BMP8B: variants seen among roughly 807,000 people sequenced by gnomAD.
The protein encoded by BMP8B is bone morphogenetic protein 8 (osteogenic protein 2).
Under a neutral mutation model 30.3 loss-of-function variants are expected in BMP8B, and 17 were observed. The observed-to-expected ratio is 0.56, with a 90% CI of 0.38 to 0.84. BMP8B has a LOEUF of 0.84. Ranked by LOEUF, BMP8B falls within the 40% of genes least tolerant of loss-of-function variation. The pLI is 0.00. For synonymous variants in BMP8B, 131 were observed against 214.7 expected (o/e 0.61, Z 3.41); for missense variants, 253 against 494.6 (o/e 0.51, Z 4.63).
At chr1:39,777,397 A>G (rs1166387717) in intron 1 of BMP8B, among the ~76,000 whole-genome samples, 1 of 152,208 alleles carries the variant, frequency 6.6e-6, no homozygotes, top group Non-Finnish European at 1.5e-5. Flanking sequence ...ATGAATCACC[A>G]ACCTGTGCTG....
rs553851060 is a variant in BMP8B, at chr1:39,770,420, A to G, written c.673+3888T>C. 18 of 1,608,012 alleles carry G rather than the reference A, an allele frequency of 1.1e-5. 1 individual carries two copies. The East Asian group carries it at 2.9e-4, about 26-fold the overall frequency. Reference sequence around the variant, plus strand: ...CTCTTTCAGGATCGTTAAGCGCTCAATTCGTTTCTCGTATTTCTGCCCCTT... The same window carrying G: ...CTCTTTCAGGATCGTTAAGCGCTCAGTTCGTTTCTCGTATTTCTGCCCCTT... On this transcript the variant is annotated intron_variant, in intron 3 of 6. Coordinates refer to ENST00000372827, the MANE Select transcript of BMP8B (RefSeq NM_001720.5).
chr1:39,760,173 T>A lies in BMP8B; in HGVS notation c.*246A>T. On this transcript the variant is annotated 3_prime_UTR_variant, in exon 7 of 7. Transcript: ENST00000372827. ...CATGCCTCCGGGAGAGGCGTTTGCATTTGGGTAGAACACTGCCTGATGATT... is the reference window on the plus strand; with the variant it reads ...CATGCCTCCGGGAGAGGCGTTTGCAATTGGGTAGAACACTGCCTGATGATT... The A allele has an allele frequency of 3.2e-6, 2 of 634,002 alleles. No individual in the cohort carries two copies. The highest frequency in any genetic ancestry group is 3.0e-5 in the East Asian group (1 of 32,910). The allele number at this position is 634,002 out of a possible 1,614,324, so 39.3% of individuals were successfully genotyped here.
chr1:39,768,847 C>T lies in BMP8B; in HGVS notation c.674-4030G>A, dbSNP rs878898727. On this transcript the variant is annotated intron_variant, in intron 3 of 6. Coordinates refer to ENST00000372827, the MANE Select transcript of BMP8B (RefSeq NM_001720.5). ...CTGTACTCTAGCCTAGGTAACAGAG[C>T]GAGATTCTGTCTAAAAAAGAAAAAA... Among the ~76,000 whole-genome samples the T allele has an allele frequency of 4.6e-4, 69 of 150,220 alleles. 2 individuals carry two copies. The highest frequency in any genetic ancestry group is 1.9e-3 in the Admixed American group (29 of 15,110).
chr1:39,778,182 A>C (rs530504589), intron 1 of BMP8B, among the ~76,000 whole-genome samples: 31 of 152,186 alleles, frequency 2.0e-4, no homozygotes, highest in East Asian at 1.2e-3. Context: ...CAGTGTCCGG[A>C]ACTCAGAGCC....
intron 1 of BMP8B, among the ~76,000 whole-genome samples, chr1:39,785,564 G>A (rs1484213027): frequency 6.6e-6 from 1 of 152,226 alleles, no homozygotes; most frequent in African/African-American, 2.4e-5. Flanking sequence ...TGGGCCCTAC[G>A]GGCACCAGAC....
At chr1:39,762,938 G>A in intron 6 of BMP8B, among the ~76,000 whole-genome samples, 154 bp downstream of exon 6, 1 of 152,224 alleles carries the variant, frequency 6.6e-6, no homozygotes, top group East Asian at 1.9e-4. Context: ...TTCCTGCAGA[G>A]CTGTGGGAAG....
At chr1:39,782,234 G>A (rs963050550) in intron 1 of BMP8B, among the ~76,000 whole-genome samples, 14 of 151,634 alleles carry the variant, frequency 9.2e-5, no homozygotes, top group Non-Finnish European at 1.9e-4. Flanking sequence ...GCTGGGTCAC[G>A]AGCGACTCAA....
intron 1 of BMP8B, among the ~76,000 whole-genome samples, chr1:39,787,769 C>T (rs1651087537): frequency 1.3e-5 from 2 of 152,232 alleles, no homozygotes; most frequent in Non-Finnish European, 2.9e-5. Context: ...CTTTGTCCCT[C>T]TCCTCAGTAC....
chr1:39,763,160 C>A lies in BMP8B; in HGVS notation c.991G>T (p.Glu331Ter), dbSNP rs1163938040. The change falls in exon 6 of 7, where the codon GAG (glutamate) becomes TAG (stop). Residue 331 changes from glutamate to a stop codon, truncating the protein, a stop_gained. Coordinates refer to ENST00000372827, the MANE Select transcript of BMP8B (RefSeq NM_001720.5). LOFTEE classifies it high-confidence loss of function. The part of the protein sequence containing the change: ...APQGYSAYYC[E>*]GECSFPLDSC... ...TCCAGTGGGAAGGAGCACTCCCCCT[C>A]ACAGTAATAGGCCGAGTAGCCTTGG... is the stretch of plus-strand genomic sequence containing the variant. 1 of 1,613,924 alleles carries A rather than the reference C, an allele frequency of 6.2e-7. No individual in the cohort carries two copies. The highest frequency in any genetic ancestry group is 8.5e-7 in the Non-Finnish European group (1 of 1,179,980).
intron 1 of BMP8B, among the ~76,000 whole-genome samples, chr1:39,780,221 G>A (rs1482128872): frequency 6.6e-6 from 1 of 152,232 alleles, no homozygotes; most frequent in African/African-American, 2.4e-5. Flanking sequence ...CAGGAAGTGG[G>A]ACCATCGAGG....
chr1:39,787,406 T>C (rs1204611524), intron 1 of BMP8B, among the ~76,000 whole-genome samples: 1 of 152,028 alleles, frequency 6.6e-6, no homozygotes, highest in Non-Finnish European at 1.5e-5. Flanking sequence ...AGTTTAGTAC[T>C]GGAAAAAAAA....
intron 1 of BMP8B, among the ~76,000 whole-genome samples, chr1:39,787,607 C>A (rs769449719): frequency 1.3e-5 from 2 of 152,148 alleles, no homozygotes; most frequent in Non-Finnish European, 2.9e-5. Context: ...GCAACAGTCC[C>A]TGCCCCAGCG....
At chr1:39,769,790 C>T (rs1186559945) in intron 3 of BMP8B, 1 of 1,613,540 alleles carries the variant, frequency 6.2e-7, no homozygotes, top group Non-Finnish European at 8.5e-7. Flanking sequence ...CACCGTCAGG[C>T]CCTCCCAGAG....
In BMP8B at chr1:39,788,633, G is replaced by C. The variant is rs1247366684; in HGVS notation, c.-148C>G. Reference sequence around the variant, plus strand: ...CGGGGCGGGACGGGCGGCGACCGCGGCCTCAGCGCGGTCCCTGGAGCGCCC... The same window carrying C: ...CGGGGCGGGACGGGCGGCGACCGCGCCCTCAGCGCGGTCCCTGGAGCGCCC... On this transcript the variant is annotated 5_prime_UTR_variant, in exon 1 of 7. Coordinates refer to ENST00000372827, the MANE Select transcript of BMP8B (RefSeq NM_001720.5). This position sits in a 1 kb window ranked among gnomAD's most constrained non-coding sequence, Gnocchi z 5.8. 3 of 746,224 alleles carry C rather than the reference G, an allele frequency of 4.0e-6. No individual in the cohort carries two copies. The highest frequency in any genetic ancestry group is 2.6e-4 in the East Asian group (2 of 7,634). The allele number at this position is 746,224 out of a possible 1,614,324, so 46.2% of individuals were successfully genotyped here. A position where few individuals can be genotyped will look rare whatever the true frequency, so the allele number is the denominator to read the frequency against.
At position 39,760,259 on chromosome 1, in the gene BMP8B, T is replaced by C. The variant is rs1218240196; in HGVS notation, c.*160A>G. ...AATGCCTGGCAGGGCAAGGGGAGCA[T>C]AGGAGCCTGGCATGAAGGAGAAAGG... On this transcript the variant is annotated 3_prime_UTR_variant, in exon 7 of 7. Coordinates refer to ENST00000372827, the MANE Select transcript of BMP8B (RefSeq NM_001720.5). The C allele has an allele frequency of 2.5e-6, 3 of 1,218,972 alleles. No individual in the cohort carries two copies. The highest frequency in any genetic ancestry group is 3.4e-6 in the Non-Finnish European group (3 of 893,342). 75.5% of individuals were successfully genotyped at this position (1,218,972 alleles called of 1,614,324 possible).
At chr1:39,771,099 T>G in intron 3 of BMP8B, 1 of 1,562,234 alleles carries the variant, frequency 6.4e-7, no homozygotes. Context: ...CCGTCAGAGA[T>G]GTCCTTCACC....
In BMP8B at chr1:39,763,218, G is replaced by A. The variant is rs375473303; in HGVS notation, c.949-16C>T. The A allele has an allele frequency of 9.9e-5, 158 of 1,597,732 alleles. No individual in the cohort carries two copies. The highest frequency in any genetic ancestry group is 1.3e-4 in the Non-Finnish European group (155 of 1,169,002). On this transcript the variant is annotated splice_polypyrimidine_tract_variant and intron_variant, in intron 5 of 6. Transcript: ENST00000372827. ...TGACCCAGTCCTGGGGGGCAAGGGA[G>A]AAGGTGAGTCCCATCCATGTGCCCC...
intron 3 of BMP8B, among the ~76,000 whole-genome samples, chr1:39,769,237 G>C (rs1255811464): frequency 6.6e-6 from 1 of 150,994 alleles, no homozygotes; most frequent in Non-Finnish European, 1.5e-5. Context: ...AGCTCGTGAA[G>C]ATAGCATGTC....
At chr1:39,762,525 A>C in intron 6 of BMP8B, 1 of 1,550,164 alleles carries the variant, frequency 6.5e-7, no homozygotes, top group Non-Finnish European at 8.7e-7. Flanking sequence ...AGGTTGCCCC[A>C]GATACCAAGG....
Sources: gnomAD v4.1 joint callset for allele counts (sites outside exome capture counted in the v4.1 genomes callset) on GRCh38, gnomAD v4.1.1 for gene constraint, Gnocchi (gnomAD v3.1) non-coding constraint, MANE v1.5 for transcripts, NCBI Gene and HGNC (gene_info 2026-07-23, HGNC 2026-07-21) for gene names.